LRRC37A2: variants seen among roughly 807,000 people sequenced by gnomAD.
LRRC37A2 encodes the protein leucine-rich repeat-containing protein 37A2.
Under a neutral mutation model 68.8 loss-of-function variants are expected in LRRC37A2, and 9 were observed. The observed-to-expected ratio is 0.13, with a 90% CI of 0.08 to 0.23. The LOEUF (loss-of-function observed/expected upper bound fraction) is 0.23, where lower values mean the gene tolerates loss of function less well. Among genes scored for constraint, LRRC37A2 ranks in the 10% least tolerant of loss-of-function variants. LRRC37A2 has a pLI of 1.00. For missense variants in LRRC37A2, 168 were observed against 950.4 expected (o/e 0.18, Z 10.82); for synonymous variants, 63 against 367.6 (o/e 0.17, Z 9.48).
the LRRC37A2 span, among the ~76,000 whole-genome samples, chr17:46,727,836 C>T: frequency 6.6e-6 from 1 of 152,172 alleles, no homozygotes; most frequent in African/African-American, 2.4e-5. Context: ...TAGTTATCAT[C>T]TGTGCATGCT....
At chr17:46,943,090 A>G in the LRRC37A2 span, among the ~76,000 whole-genome samples, 9 of 152,296 alleles carry the variant, frequency 5.9e-5, no homozygotes, top group South Asian at 1.9e-3. Flanking sequence ...AGGCGATTGT[A>G]ATGCCCAGGG....
At chr17:46,852,274 TGAGAGCGCCA>T in the LRRC37A2 span, among the ~76,000 whole-genome samples, 29,687 of 151,646 alleles carry the variant, frequency 0.2, 3,541 homozygotes, top group East Asian at 0.49. Context: ...CCTCGGACGG[TGAGAGCGCCA>T]GCTGGAGACG....
At chr17:47,023,184 C>T in the LRRC37A2 span, among the ~76,000 whole-genome samples, 5 of 152,296 alleles carry the variant, frequency 3.3e-5, no homozygotes, top group South Asian at 8.3e-4. Context: ...AACATTTGTG[C>T]TTCTTCTCTG....
At chr17:46,731,649 G>A in the LRRC37A2 span, among the ~76,000 whole-genome samples, 1 of 152,074 alleles carries the variant, frequency 6.6e-6, no homozygotes, top group East Asian at 1.9e-4. Context: ...AGAACATGGA[G>A]TGAATTTATC....
At chr17:46,855,221 G>T in the LRRC37A2 span, among the ~76,000 whole-genome samples, 1 of 152,210 alleles carries the variant, frequency 6.6e-6, no homozygotes, top group Non-Finnish European at 1.5e-5. Context: ...CAGAGAGGCC[G>T]AAGGGGGTGA....
the LRRC37A2 span, chr17:46,979,105 G>C: frequency 8.4e-7 from 1 of 1,195,860 alleles, no homozygotes; most frequent in Non-Finnish European, 1.1e-6. Context: ...CCCTCGGACC[G>C]GCTCCTGCGG....
At chr17:46,916,809 G>C in the LRRC37A2 span, 2 of 152,198 alleles carry the variant, frequency 1.3e-5, no homozygotes, top group African/African-American at 4.8e-5. Flanking sequence ...AGGTTGGTAA[G>C]TCCAAGAGCA....
the LRRC37A2 span, among the ~76,000 whole-genome samples, chr17:46,679,708 A>C: frequency 6.6e-6 from 1 of 151,536 alleles, no homozygotes; most frequent in African/African-American, 2.4e-5. Context: ...AAAAAAAAAG[A>C]AGCTAATAAT....
At chr17:46,751,123 T>C in the LRRC37A2 span, among the ~76,000 whole-genome samples, 12 of 152,178 alleles carry the variant, frequency 7.9e-5, no homozygotes, top group Non-Finnish European at 1.3e-4. Context: ...AGGTTACCCA[T>C]GTAGACAGCT....
the LRRC37A2 span, among the ~76,000 whole-genome samples, chr17:46,838,754 G>A: frequency 1.3e-5 from 2 of 152,156 alleles, no homozygotes; most frequent in Admixed American, 6.6e-5. Flanking sequence ...CAGCCTTCAA[G>A]CAGATGCAGT....
chr17:46,979,359 T>C, the LRRC37A2 span: 1 of 173,476 alleles, frequency 5.8e-6, no homozygotes, highest in Non-Finnish European at 1.2e-5. Flanking sequence ...GGGGCGGGAA[T>C]CCCGCCGCGG....
At chr17:46,843,944 A>G in the LRRC37A2 span, among the ~76,000 whole-genome samples, 9 of 152,190 alleles carry the variant, frequency 5.9e-5, no homozygotes, top group Non-Finnish European at 1.3e-4. Flanking sequence ...TTATGTATTC[A>G]TACTTTATTA....
the LRRC37A2 span, among the ~76,000 whole-genome samples, chr17:46,785,262 T>G: frequency 6.6e-6 from 1 of 152,302 alleles, no homozygotes; most frequent in East Asian, 1.9e-4. Context: ...TCACGTTGCC[T>G]CGGCTTAACT....
At chr17:46,919,357 G>T in the LRRC37A2 span, among the ~76,000 whole-genome samples, 2,419 of 152,178 alleles carry the variant, frequency 0.016, 63 homozygotes, top group African/African-American at 0.056. Flanking sequence ...AGAAAAAATG[G>T]GATATAAGTT....
At chr17:46,622,697 C>T in the LRRC37A2 span, among the ~76,000 whole-genome samples, 1 of 146,120 alleles carries the variant, frequency 6.8e-6, no homozygotes, top group Non-Finnish European at 1.5e-5. Flanking sequence ...TCGCTTGAAC[C>T]AGGGAGGCAG....
chr17:46,969,338 C>T, the LRRC37A2 span, among the ~76,000 whole-genome samples: 1 of 152,214 alleles, frequency 6.6e-6, no homozygotes, highest in African/African-American at 2.4e-5. Context: ...GGCAGGGAGG[C>T]TGGCTGGTGT....
the LRRC37A2 span, among the ~76,000 whole-genome samples, chr17:46,808,373 T>G: frequency 1.3e-5 from 2 of 152,226 alleles, no homozygotes; most frequent in Non-Finnish European, 2.9e-5. Flanking sequence ...GCATCAGCCT[T>G]TGAGTGGAAG....
chr17:46,966,608 C>A, the LRRC37A2 span: 1 of 687,322 alleles, frequency 1.5e-6, no homozygotes, highest in Non-Finnish European at 2.7e-6. Flanking sequence ...ATCAGCCTCC[C>A]GAAGTGCTGG....
the LRRC37A2 span, chr17:46,755,869 G>A: frequency 1.3e-6 from 2 of 1,591,504 alleles, no homozygotes; most frequent in Admixed American, 1.7e-5. Context: ...AGTGACCAAG[G>A]TGAAGATGGC....
Sources: gnomAD v4.1 joint callset for allele counts (sites outside exome capture counted in the v4.1 genomes callset) on GRCh38, gnomAD v4.1.1 for gene constraint, MANE v1.5 for transcripts, NCBI Gene and HGNC (gene_info 2026-07-23, HGNC 2026-07-21) for gene names.